VIPR2: variants seen among roughly 807,000 people sequenced by gnomAD.
VIPR2 encodes vasoactive intestinal polypeptide receptor 2.
VIPR2 carries 48 observed loss-of-function variants against 58.0 expected under a neutral mutation model. The ratio of observed to expected loss-of-function variants is 0.83; its 90% CI spans 0.66 to 1.05. The LOEUF (loss-of-function observed/expected upper bound fraction) is 1.05, where lower values mean the gene tolerates loss of function less well. Among genes scored for constraint, VIPR2 ranks in the 50% least tolerant of loss-of-function variants. The pLI is 0.00. For missense variants in VIPR2, 534 were observed against 558.0 expected (o/e 0.96, Z 0.43); for synonymous variants, 243 against 235.2 (o/e 1.03, Z -0.30).
intron 4 of VIPR2, among the ~76,000 whole-genome samples, chr7:159,061,531 T>G (rs1287778854): frequency 6.6e-6 from 1 of 151,736 alleles, no homozygotes; most frequent in Non-Finnish European, 1.5e-5. Context: ...TGTGTGCCTG[T>G]GGTCCACAGC....
In VIPR2 at chr7:159,034,563, T is replaced by C. The variant is rs771267900; in HGVS notation, c.879+18A>G. On this transcript the variant is annotated intron_variant, in intron 9 of 12. Coordinates refer to ENST00000262178, the MANE Select transcript of VIPR2 (RefSeq NM_003382.5). ...TGTGATTCCACAGATAATCCACATGTCAACAGGGACTACTTACGATGATGG... is the reference window on the plus strand; with the variant it reads ...TGTGATTCCACAGATAATCCACATGCCAACAGGGACTACTTACGATGATGG... The C allele has an allele frequency of 3.5e-5, 56 of 1,609,138 alleles. No homozygotes were observed. Among genetic ancestry groups the C allele is most frequent in the Non-Finnish European group, 8.5e-7 (1 of 1,175,698 alleles).
intron 2 of VIPR2, among the ~76,000 whole-genome samples, chr7:159,132,299 G>A (rs189296511): frequency 0.14 from 16,966 of 124,238 alleles, 75 homozygotes; most frequent in South Asian, 0.18. Context: ...CACAGGGGAA[G>A]CCCCTCTAGG....
At chr7:159,046,373 T>TCC (rs1854650490) in intron 5 of VIPR2, among the ~76,000 whole-genome samples, 2 of 152,188 alleles carry the variant, frequency 1.3e-5, no homozygotes, top group Non-Finnish European at 2.9e-5. Context: ...AACTAAATAC[T>TCC]ATTCAACCAT....
chr7:159,070,853 T>C (rs761345221), intron 4 of VIPR2, among the ~76,000 whole-genome samples: 31 of 152,198 alleles, frequency 2.0e-4, no homozygotes, highest in African/African-American at 7.2e-4. Flanking sequence ...ATGCCTCCAT[T>C]AAGGTCTTGG....
intron 4 of VIPR2, among the ~76,000 whole-genome samples, chr7:159,067,715 G>A (rs1334063481): frequency 2.6e-5 from 4 of 152,210 alleles, no homozygotes; most frequent in South Asian, 2.1e-4. Flanking sequence ...GGAGTGGCTC[G>A]GTCACAGCAG....
chr7:159,129,394 C>G (rs75307432), intron 2 of VIPR2, among the ~76,000 whole-genome samples: 133 of 54,888 alleles, frequency 2.4e-3, no homozygotes, highest in African/African-American at 0.011. Flanking sequence ...TGGCCTCTGG[C>G]GGGGACAGGG....
At chr7:159,047,308 T>C (rs1462310112) in intron 5 of VIPR2, among the ~76,000 whole-genome samples, 1 of 152,200 alleles carries the variant, frequency 6.6e-6, no homozygotes, top group Non-Finnish European at 1.5e-5. Flanking sequence ...TTGCAAGTAC[T>C]TTTCTTTGGT....
chr7:159,063,894 GGGGATCTGGGGTTCCTGGA>G (rs1563288991), intron 4 of VIPR2, among the ~76,000 whole-genome samples: 1 of 83,684 alleles, frequency 1.2e-5, no homozygotes, highest in Non-Finnish European at 2.8e-5. Context: ...GGGGTCCTGG[GGGGATCTGGGGTTCCTGGA>G]GGGATGTGGG....
At chr7:159,117,353 C>T (rs1478241831) in intron 2 of VIPR2, 1 of 717,482 alleles carries the variant, frequency 1.4e-6, no homozygotes, top group Non-Finnish European at 2.6e-6. Context: ...GTATGTGGGT[C>T]CAGGATCCTC....
rs528441724 is a variant in VIPR2 at position 159,137,926 on chromosome 7, C to T, written c.151+4520G>A. 1.3e-4 allele frequency among the ~76,000 whole-genome samples: 20 copies of T among 152,352 alleles called. No individual in the cohort carries two copies. The East Asian group carries it at 3.7e-3, about 28-fold the overall frequency. On this transcript the variant is annotated intron_variant, in intron 2 of 12. Transcript: ENST00000262178. ...CCTTTTAAGATACAACTGACGTCTA[C>T]ACCATCAATATTGACATCAGAGGAA...
chr7:159,106,705 C>CAG (rs199836579), intron 3 of VIPR2, among the ~76,000 whole-genome samples: 5 of 67,290 alleles, frequency 7.4e-5, no homozygotes, highest in African/African-American at 3.4e-4. Flanking sequence ...CAGGGAGGGG[C>CAG]AGAGAGGCCA....
intron 4 of VIPR2, among the ~76,000 whole-genome samples, chr7:159,061,873 C>T (rs1042769043): frequency 6.6e-6 from 1 of 152,190 alleles, no homozygotes; most frequent in South Asian, 2.1e-4. Context: ...GAAGCCAGGC[C>T]GGCTCGGACG....
chr7:159,030,234 A>ACT lies in VIPR2; in HGVS notation c.*381_*382insAG, dbSNP rs1447975570. ...TTGGCGGGCGCCTGTAGTCCCAGCT[A>ACT]TGGGAGGCTGAGGCAGGAGAATGGC... On this transcript the variant is annotated 3_prime_UTR_variant, in exon 13 of 13. Transcript: ENST00000262178. 1.1e-5 allele frequency: 2 copies of ACT among 188,516 alleles called. No individual in the cohort carries two copies. Among genetic ancestry groups the ACT allele is most frequent in the African/African-American group, 5.1e-5 (2 of 39,574 alleles). 11.7% of individuals were successfully genotyped at this position (188,516 alleles called of 1,614,324 possible).
chr7:159,125,324 G>A (rs1373584769), intron 2 of VIPR2, among the ~76,000 whole-genome samples: 1 of 152,174 alleles, frequency 6.6e-6, no homozygotes, highest in African/African-American at 2.4e-5. Flanking sequence ...TGGCGTCCAT[G>A]CCTATAGGGA....
chr7:159,034,196 C>T lies in VIPR2; in HGVS notation c.971+17G>A. On this transcript the variant is annotated intron_variant, in intron 10 of 12. Transcript: ENST00000262178. ...GGCATCCCCATCAGGGACGGCCAGGCCGGGACACACACTCACTTGTACTGA... is the reference window on the plus strand; with the variant it reads ...GGCATCCCCATCAGGGACGGCCAGGTCGGGACACACACTCACTTGTACTGA... The T allele has an allele frequency of 6.2e-7, 1 of 1,613,108 alleles. No individual in the cohort carries two copies. The highest frequency in any genetic ancestry group is 8.5e-7 in the Non-Finnish European group (1 of 1,179,400).
Position 159,098,242 on chromosome 7 carries a change from G to A in VIPR2, c.357+5515C>T, listed in dbSNP as rs1367040361. Among the ~76,000 whole-genome samples the A allele has an allele frequency of 6.6e-6, 1 of 152,208 alleles. No homozygotes were observed. The highest frequency in any genetic ancestry group is 1.5e-5 in the Non-Finnish European group (1 of 68,026). On this transcript the variant is annotated intron_variant, in intron 4 of 12. Transcript: ENST00000262178. This position sits in a 1 kb window ranked among gnomAD's most constrained non-coding sequence, Gnocchi z 5.2. The stretch of plus-strand genomic sequence containing the variant: ...TGGTCGGGCCCCAGCACACGGCTCG[G>A]GGAGCCTCCCACACTTGGTGATCCC...
chr7:159,113,386 T>G (rs1279885833), intron 2 of VIPR2, among the ~76,000 whole-genome samples: 1 of 152,164 alleles, frequency 6.6e-6, no homozygotes, highest in Non-Finnish European at 1.5e-5. Flanking sequence ...GTGAAACCCT[T>G]AGCGTTGTGA....
At chr7:159,053,376 C>T (rs1159646282) in intron 5 of VIPR2, among the ~76,000 whole-genome samples, 1 of 152,034 alleles carries the variant, frequency 6.6e-6, no homozygotes, top group East Asian at 1.9e-4. Flanking sequence ...GTAAGACTTC[C>T]ACTCGGAAAA....
At chr7:159,078,980 G>A (rs1318828608) in intron 4 of VIPR2, among the ~76,000 whole-genome samples, 1 of 152,118 alleles carries the variant, frequency 6.6e-6, no homozygotes, top group Non-Finnish European at 1.5e-5. Context: ...TGGTCTCTGT[G>A]AGAACCAAGC....
Sources: gnomAD v4.1 joint callset for allele counts (sites outside exome capture counted in the v4.1 genomes callset) on GRCh38, gnomAD v4.1.1 for gene constraint, Gnocchi (gnomAD v3.1) non-coding constraint, MANE v1.5 for transcripts, NCBI Gene and HGNC (gene_info 2026-07-23, HGNC 2026-07-21) for gene names.